The following NFRKB variants were observed in gnomAD, a reference collection of about 807,000 sequenced individuals.
NFRKB encodes the protein nuclear factor related to kappa-B-binding protein.
Under a neutral mutation model 135.7 loss-of-function variants are expected in NFRKB, and 62 were observed. That is an observed-to-expected ratio of 0.46 (90% CI 0.37 to 0.56). The LOEUF is 0.56. Among genes scored for constraint, NFRKB ranks in the 20% least tolerant of loss-of-function variants. The pLI, the probability that NFRKB is intolerant of heterozygous loss-of-function variation, is 0.00. For synonymous variants in NFRKB, 678 were observed against 635.6 expected, an observed-to-expected ratio of 1.07 and a Z score of -1.00; for missense variants, 1,545 against 1,662.0, an observed-to-expected ratio of 0.93 and a Z score of 1.22.
chr11:129,889,042 G>T (rs768102518), intron 3 of NFRKB, among the ~76,000 whole-genome samples: 1 of 151,078 alleles, frequency 6.6e-6, no homozygotes, highest in South Asian at 2.1e-4. Flanking sequence ...GCAATGGCAC[G>T]ATCTCTGCTC....
intron 25 of NFRKB, 67 bp downstream of exon 25, chr11:129,865,810 G>A: frequency 7.0e-7 from 1 of 1,424,218 alleles, no homozygotes; most frequent in East Asian, 2.3e-5. Context: ...TCGGTGACAA[G>A]GACTGGTAAG....
At chr11:129,868,061 A>C (rs958702413) in intron 24 of NFRKB, among the ~76,000 whole-genome samples, 1 of 152,178 alleles carries the variant, frequency 6.6e-6, no homozygotes, top group African/African-American at 2.4e-5. Flanking sequence ...TAAGGAAGAC[A>C]CAGACACGAA....
At chr11:129,876,687 A>C (rs1948782335) in intron 17 of NFRKB, 34 bp downstream of exon 17, 1 of 1,597,848 alleles carries the variant, frequency 6.3e-7, no homozygotes, top group Non-Finnish European at 8.5e-7. Context: ...GGGGTGAAGA[A>C]AGGGATCTCT....
rs1383975835 is a variant in NFRKB, at chr11:129,864,866, GA to G, written c.3775-17del. ...GGATGCGCACCTGTTTGCAAAGACA[GA>G]AGGTCAGGTCAATGGATTGCAAGCG... On this transcript the variant is annotated splice_polypyrimidine_tract_variant and intron_variant, in intron 26 of 26. Coordinates refer to ENST00000682444, the MANE Select transcript of NFRKB (RefSeq NM_001143835.2). The G allele has an allele frequency of 1.2e-6, 2 of 1,614,136 alleles. No individual in the cohort carries two copies. The highest frequency in any genetic ancestry group is 2.7e-5 in the African/African-American group (2 of 74,950).
chr11:129,888,163 G>A (rs1175315162), intron 4 of NFRKB: 1 of 451,808 alleles, frequency 2.2e-6, no homozygotes, highest in Admixed American at 4.0e-5. Context: ...ACATGGACAT[G>A]CTGAAGTGCT....
In NFRKB at chr11:129,876,943, T is replaced by C. The variant is rs370629125; in HGVS notation, c.1573-48A>G. ...AGTTCTAGGTCAGAATTAGTGGGGT[T>C]CTCTCTCGGGCTTCCTTACAATATA... On this transcript the variant is annotated intron_variant, in intron 16 of 26. Coordinates refer to ENST00000682444, the MANE Select transcript of NFRKB (RefSeq NM_001143835.2). 5.8e-6 allele frequency: 9 copies of C among 1,557,632 alleles called. No homozygotes were observed. In the African/African-American group the frequency reaches 9.5e-5, roughly 17 times the overall value.
chr11:129,866,368 C>T (rs1044745039), intron 24 of NFRKB, among the ~76,000 whole-genome samples: 11 of 152,032 alleles, frequency 7.2e-5, no homozygotes, highest in Non-Finnish European at 1.6e-4. Flanking sequence ...TGGCACAGTG[C>T]TGGGCACACA....
chr11:129,893,294 T>C (rs1194828329), intron 2 of NFRKB: 4 of 458,486 alleles, frequency 8.7e-6, no homozygotes, highest in Non-Finnish European at 1.7e-5. Context: ...AACTCACACC[T>C]ACAATCTCAG....
chr11:129,882,405 T>C (rs202082694), intron 10 of NFRKB, 46 bp downstream of exon 10: 28 of 1,599,872 alleles, frequency 1.8e-5, no homozygotes, highest in Non-Finnish European at 2.3e-5. Flanking sequence ...AGCCTATGGC[T>C]TACCCATTCA....
Position 129,869,601 on chromosome 11 carries a change from C to T in NFRKB, c.3424G>A (p.Val1142Ile). The change falls in exon 24 of 27, where the codon GTA (valine) becomes ATA (isoleucine). Residue 1142 changes from valine (V) to isoleucine (I), a missense_variant. Physicochemically the swap from Val to Ile is conservative, Grantham distance 29. Transcript: ENST00000682444. ...CTTGCAGCCCCAGAAGCCACAGCTA[C>T]AGTCTTGGACACAGCAGCATTCATA... The part of the protein sequence containing the change: ...PSMNAAVSKT[V>I]AVASGAASTP... The T allele has an allele frequency of 6.2e-7, 1 of 1,614,206 alleles. No homozygotes were observed. Among genetic ancestry groups the T allele is most frequent in the Non-Finnish European group, 8.5e-7 (1 of 1,180,048 alleles).
chr11:129,871,629 C>T (rs747048208), intron 23 of NFRKB, among the ~76,000 whole-genome samples: 36 of 152,312 alleles, frequency 2.4e-4, no homozygotes, highest in Middle Eastern at 3.4e-3. Context: ...CTGGCTCCCA[C>T]TTCAACCACA....
chr11:129,885,297 C>A, intron 6 of NFRKB, 138 bp downstream of exon 6: 1 of 940,696 alleles, frequency 1.1e-6, no homozygotes, highest in South Asian at 1.8e-5. Flanking sequence ...CCTTCTGAGT[C>A]CCGCTATGCA....
chr11:129,870,400 G>T (rs1948446501), intron 23 of NFRKB, 139 bp from the exon 24 acceptor site: 1 of 945,756 alleles, frequency 1.1e-6, no homozygotes. Flanking sequence ...ATTCACAGAA[G>T]TAGAGAACAG....
At position 129,892,734 on chromosome 11, in the gene NFRKB, G is replaced by A; in HGVS notation, c.116C>T (p.Pro39Leu). Reference sequence around the variant, plus strand: ...ACTCACATCCTCCAGAAGGTCCTCGGGCAGACTAACTCTGGTGCCTCCCAG... The same window carrying A: ...ACTCACATCCTCCAGAAGGTCCTCGAGCAGACTAACTCTGGTGCCTCCCAG... ...CLLGGTRVSLPEDLLEDPEIF... is the reference protein window; with the variant it reads ...CLLGGTRVSLLEDLLEDPEIF... The change falls in exon 3 of 27, where the codon CCC becomes CTC. Residue 39 changes from proline (P) to leucine (L), a missense_variant. By Grantham distance (98) the Pro-to-Leu change is moderately conservative (BLOSUM62 -3). Transcript: ENST00000682444. 6.2e-7 allele frequency: 1 copy of A among 1,613,926 alleles called. No individual in the cohort carries two copies. The highest frequency in any genetic ancestry group is 1.1e-5 in the South Asian group (1 of 91,066).
Position 129,887,759 on chromosome 11 carries a change from C to T in NFRKB, c.337+835G>A, listed in dbSNP as rs192087860. 7.9e-5 allele frequency among the ~76,000 whole-genome samples: 12 copies of T among 152,316 alleles called. No individual in the cohort carries two copies. The East Asian group carries it at 2.1e-3, about 27-fold the overall frequency. On this transcript the variant is annotated intron_variant, in intron 4 of 26. Transcript: ENST00000682444. ...ATCAAGAGAATTTGAACATGAAGGC[C>T]GGGTGCGGTGGCTCACGCCTGTGAT...
At chr11:129,885,655 T>C (rs1949242631) in intron 5 of NFRKB, 46 bp from the exon 6 acceptor site, 1 of 1,542,928 alleles carries the variant, frequency 6.5e-7, no homozygotes, top group African/African-American at 1.4e-5. Context: ...CCAAGACCTG[T>C]TCTGGAACAA....
intron 13 of NFRKB, 53 bp from the exon 14 acceptor site, chr11:129,878,596 G>A (rs923826998): frequency 2.5e-5 from 35 of 1,420,310 alleles, no homozygotes; most frequent in Non-Finnish European, 3.3e-5. Context: ...GTATTATTGA[G>A]AATCCTGCTT....
chr11:129,872,719 G>A, intron 23 of NFRKB, 165 bp downstream of exon 23: 2 of 630,138 alleles, frequency 3.2e-6, no homozygotes, highest in South Asian at 2.1e-5. Flanking sequence ...AAGCTGCACT[G>A]CCTTTGCCTT....
Position 129,876,901 on chromosome 11 carries a change from A to G in NFRKB, c.1573-6T>C. On this transcript the variant is annotated splice_polypyrimidine_tract_variant and splice_region_variant and intron_variant, in intron 16 of 26. Coordinates refer to ENST00000682444, the MANE Select transcript of NFRKB (RefSeq NM_001143835.2). ...TGGCTATACCTGTAACGCTCCTACC[A>G]AGAGACAAGGGACAAGAGTTCTAGG... 6.2e-7 allele frequency: 1 copy of G among 1,612,750 alleles called. No individual in the cohort carries two copies. Among genetic ancestry groups the G allele is most frequent in the Non-Finnish European group, 8.5e-7 (1 of 1,179,334 alleles).
Sources: allele counts gnomAD v4.1 joint callset (sites outside exome capture counted in the v4.1 genomes callset), GRCh38; gene constraint gnomAD v4.1.1; transcripts MANE v1.5; gene names NCBI Gene and HGNC (gene_info 2026-07-23, HGNC 2026-07-21).